SLC2A11: variants seen among roughly 807,000 people sequenced by gnomAD.
The protein encoded by SLC2A11 is solute carrier family 2, facilitated glucose transporter member 11.
Under a neutral mutation model 52.1 loss-of-function variants are expected in SLC2A11, and 43 were observed. That is an observed-to-expected ratio of 0.82 (90% CI 0.65 to 1.06). SLC2A11 has a LOEUF of 1.06. Ranked by LOEUF, SLC2A11 falls within the 50% of genes least tolerant of loss-of-function variation. SLC2A11 has a pLI of 0.00. For missense variants in SLC2A11, 582 were observed against 654.2 expected (o/e 0.89, Z 1.20); for synonymous variants, 261 against 277.6 (o/e 0.94, Z 0.59).
rs2146148907 is a variant in SLC2A11, at chr22:23,884,359, C to T, written c.1229C>T (p.Ala410Val). The stretch of plus-strand genomic sequence containing the variant: ...TTTGACCAGATGGCCAGGCCTGCTG[C>T]CTGCATGGTCTGCGGGGCGCTCATG... ...ELFDQMARPA[A>V]CMVCGALMWI... Residue 410 changes from alanine (A) to valine (V), a missense_variant, in exon 11 of 12, where the codon GCC becomes GTC. Physicochemically the swap from Ala to Val is moderately conservative, Grantham distance 64. Transcript: ENST00000316185. The surrounding 1 kb of genome is among the most constrained non-coding windows in gnomAD (Gnocchi z 4.3). 1 of 1,614,068 alleles carries T rather than the reference C, an allele frequency of 6.2e-7. No individual in the cohort carries two copies. Among genetic ancestry groups the T allele is most frequent in the Non-Finnish European group, 8.5e-7 (1 of 1,180,018 alleles).
Position 23,884,459 on chromosome 22 carries a change from G to C in SLC2A11, c.1299+30G>C, listed in dbSNP as rs939420372. 3.7e-6 allele frequency: 6 copies of C among 1,603,084 alleles called. No homozygotes were observed. The highest frequency in any genetic ancestry group is 2.2e-5 in the East Asian group (1 of 44,794). On this transcript the variant is annotated intron_variant, in intron 11 of 11. Coordinates refer to ENST00000316185, the MANE Select transcript of SLC2A11 (RefSeq NM_001024939.4). This position sits in a 1 kb window ranked among gnomAD's most constrained non-coding sequence, Gnocchi z 4.3. ...GCCCGCCCCTCCCGCTGGGGGCCCT[G>C]CCTTAGGCTGTGTCCCTGTCATCCT...
chr22:23,863,231 C>T (rs572254942), intron 2 of SLC2A11, among the ~76,000 whole-genome samples: 3 of 152,170 alleles, frequency 2.0e-5, no homozygotes, highest in African/African-American at 7.2e-5. Flanking sequence ...CAGATACCAC[C>T]ACCTTCTTGA....
intron 2 of SLC2A11, chr22:23,867,779 A>T: frequency 2.1e-6 from 1 of 470,160 alleles, no homozygotes; most frequent in Non-Finnish European, 4.4e-6. Context: ...GGTGCTGGGA[A>T]GGTGGTGCTC....
At chr22:23,866,183 G>GAAA in intron 2 of SLC2A11, 1 of 115,704 alleles carries the variant, frequency 8.6e-6, no homozygotes, top group South Asian at 3.0e-4. Context: ...AAAAAAAAAA[G>GAAA]AAAGAAAAAA....
At chr22:23,871,232 C>A (rs2032444571) in intron 3 of SLC2A11, 2 of 149,622 alleles carry the variant, frequency 1.3e-5, no homozygotes, top group Admixed American at 6.7e-5. Flanking sequence ...ATGGTGAAAC[C>A]CCATCTCTAC....
intron 1 of SLC2A11, among the ~76,000 whole-genome samples, chr22:23,861,808 G>A (rs917256322): frequency 2.2e-4 from 34 of 152,292 alleles, no homozygotes; most frequent in East Asian, 3.9e-4. Context: ...ACGTGCTCAG[G>A]GGCAGCCCAA....
rs1224735357 is a variant in SLC2A11, at chr22:23,877,154, A to AT, written c.528_529insT (p.Gln177SerfsTer38). ...TTACGGCTCTGGGGATCGTGATGGGACAGGTGGTCGGACTCAGGTAAGCAC... is the reference window on the plus strand; with the variant it reads ...TTACGGCTCTGGGGATCGTGATGGGATCAGGTGGTCGGACTCAGGTAAGCAC... On this transcript the variant is annotated frameshift_variant, in exon 5 of 12. Coordinates refer to ENST00000316185, the MANE Select transcript of SLC2A11 (RefSeq NM_001024939.4). LOFTEE classifies it high-confidence loss of function. 6.2e-7 allele frequency: 1 copy of AT among 1,612,158 alleles called. No individual in the cohort carries two copies. Among genetic ancestry groups the AT allele is most frequent in the Admixed American group, 1.7e-5 (1 of 59,824 alleles).
intron 6 of SLC2A11, among the ~76,000 whole-genome samples, chr22:23,878,804 C>T (rs932401511): frequency 5.9e-5 from 9 of 152,196 alleles, no homozygotes; most frequent in African/African-American, 9.7e-5. Context: ...ATCATGGCAT[C>T]GGGCTTGAAG....
Position 23,882,486 on chromosome 22 carries a change from ACTTG to A in SLC2A11, c.723_726del (p.Asp241GlufsTer32). 6.4e-7 allele frequency: 1 copy of A among 1,561,312 alleles called. No homozygotes were observed. Among genetic ancestry groups the A allele is most frequent in the Non-Finnish European group, 8.6e-7 (1 of 1,156,094 alleles). ...CTACGGCGGCTCCGGGGCTCCGGGG[ACTTG>A]GCAGGGGAGCTGGAGGAGCTGGAGG... On this transcript the variant is annotated frameshift_variant, in exon 7 of 12. Transcript: ENST00000316185. LOFTEE classifies it high-confidence loss of function.
chr22:23,880,268 A>AG (rs1017380805), intron 6 of SLC2A11: 3 of 147,438 alleles, frequency 2.0e-5, no homozygotes, highest in African/African-American at 5.2e-5. Context: ...CAAAAAAAAA[A>AG]AAAAAAAAAA....
intron 5 of SLC2A11, 104 bp from the exon 6 acceptor site, chr22:23,877,617 C>A: frequency 1.4e-6 from 2 of 1,386,220 alleles, no homozygotes; most frequent in African/African-American, 1.4e-5. Flanking sequence ...AGGCACGGGG[C>A]AATTGCAGAC....
In SLC2A11 at chr22:23,884,990, G is replaced by T. The variant is rs142859161; in HGVS notation, c.*141G>T. The T allele has an allele frequency of 2.4e-5, 16 of 662,274 alleles. No homozygotes were observed. The East Asian group carries it at 3.9e-4, about 16-fold the overall frequency. 41.0% of individuals were successfully genotyped at this position (662,274 alleles called of 1,614,324 possible). ...CCTTTGTGTGCAGACATGGCTCCAG[G>T]TGCTTAGCAATCAATGGTGAGCGTG... On this transcript the variant is annotated 3_prime_UTR_variant, in exon 12 of 12. Transcript: ENST00000316185. The surrounding 1 kb of genome is among the most constrained non-coding windows in gnomAD (Gnocchi z 4.3).
At chr22:23,870,236 G>A in intron 3 of SLC2A11, 1 of 555,548 alleles carries the variant, frequency 1.8e-6, no homozygotes, top group Non-Finnish European at 3.2e-6. Flanking sequence ...ATGATACCTG[G>A]TACAGTTGGC....
chr22:23,859,485 A>T (rs575262118), intron 1 of SLC2A11, among the ~76,000 whole-genome samples: 1 of 108,254 alleles, frequency 9.2e-6, no homozygotes, highest in East Asian at 2.3e-4. Flanking sequence ...TGAGATAAAC[A>T]TTCAGCATTT....
intron 8 of SLC2A11, 166 bp from the exon 9 acceptor site, chr22:23,883,606 G>T (rs1568998803): frequency 3.6e-6 from 2 of 558,476 alleles, no homozygotes; most frequent in Admixed American, 7.6e-5. Flanking sequence ...CTGAAGTTGG[G>T]TGATTGATTG....
upstream of SLC2A11, chr22:23,856,941 C>G (rs190476377): frequency 2.3e-4 from 367 of 1,608,142 alleles, no homozygotes; most frequent in African/African-American, 4.0e-3. Context: ...CGCATTCCGC[C>G]AAGTCTCTCG....
In SLC2A11 at chr22:23,883,762, G is replaced by A. The variant is rs1198844813; in HGVS notation, c.994-10G>A. ...CTGGGTGTGTGGGTCTGTGCTTTCT[G>A]CCTTTGCAGTGTGTGGTAATCGAGA... On this transcript the variant is annotated splice_polypyrimidine_tract_variant and intron_variant, in intron 8 of 11. Coordinates refer to ENST00000316185, the MANE Select transcript of SLC2A11 (RefSeq NM_001024939.4). 7 of 1,513,644 alleles carry A rather than the reference G, an allele frequency of 4.6e-6. No individual in the cohort carries two copies. In the African/African-American group the frequency reaches 5.7e-5, roughly 12 times the overall value. 93.8% of individuals were successfully genotyped at this position (1,513,644 alleles called of 1,614,324 possible).
upstream of SLC2A11, chr22:23,857,190 G>A (rs1200523945): frequency 3.2e-5 from 26 of 817,732 alleles, no homozygotes; most frequent in Non-Finnish European, 4.8e-5. Context: ...AGTGGCGACC[G>A]GCGCAGGGAA....
rs1293755418 is a variant in SLC2A11 at position 23,882,560 on chromosome 22, G to C, written c.796G>C (p.Glu266Gln). 6.2e-7 allele frequency: 1 copy of C among 1,612,222 alleles called. No individual in the cohort carries two copies. The highest frequency in any genetic ancestry group is 8.5e-7 in the Non-Finnish European group (1 of 1,179,414). Residue 266 changes from glutamate (E) to glutamine (Q), a missense_variant, in exon 7 of 12, where the codon GAG (glutamate) becomes CAG (glutamine). Glu to Gln is a conservative substitution (Grantham distance 29). Transcript: ENST00000316185. ...GGGCTGCCGTGCCCGGCGCCCATGG[G>C]AGCTGTTCCAGCATCGGGCCCTGAG... is the stretch of plus-strand genomic sequence containing the variant. ...CQGCRARRPWELFQHRALRRQ... is the reference protein window; with the variant it reads ...CQGCRARRPWQLFQHRALRRQ...
Sources: allele counts gnomAD v4.1 joint callset (sites outside exome capture counted in the v4.1 genomes callset), GRCh38; gene constraint gnomAD v4.1.1; non-coding constraint Gnocchi (gnomAD v3.1); transcripts MANE v1.5; gene names NCBI Gene and HGNC (gene_info 2026-07-23, HGNC 2026-07-21).